Variants in WDFY1 observed in about 807,000 individuals in gnomAD.
WDFY1 encodes WD repeat and FYVE domain containing 1, also known as WD repeat and FYVE domain-containing protein 1.
A neutral mutation model predicts 56.4 loss-of-function variants in WDFY1; 32 were observed. The observed-to-expected ratio is 0.57, with a 90% CI of 0.43 to 0.76. WDFY1 has a LOEUF of 0.76. WDFY1 is among the 30% of genes least tolerant of loss of function. The pLI is 0.00. For synonymous variants in WDFY1, 192 were observed against 197.3 expected (o/e 0.97, Z 0.23); for missense variants, 480 against 545.7 (o/e 0.88, Z 1.20).
Position 223,877,541 on chromosome 2 carries a change from T to C in WDFY1, c.*1130A>G, listed in dbSNP as rs987225174. 6.6e-6 allele frequency: 1 copy of C among 152,200 alleles called. No individual in the cohort carries two copies. The highest frequency in any genetic ancestry group is 2.4e-5 in the African/African-American group (1 of 41,456). 9.4% of individuals were successfully genotyped at this position (152,200 alleles called of 1,614,324 possible). A position where few individuals can be genotyped will look rare whatever the true frequency, so the allele number is the denominator to read the frequency against. ...ACACAGTGCCCAAAAGCTTTAGAAA[T>C]GCCATTATGAACAATAGCTTTTGCT... is the stretch of plus-strand genomic sequence containing the variant. On this transcript the variant is annotated 3_prime_UTR_variant, in exon 12 of 12. Transcript: ENST00000233055.
At chr2:223,888,543 G>T (rs1482418716) in intron 8 of WDFY1, among the ~76,000 whole-genome samples, 1 of 150,662 alleles carries the variant, frequency 6.6e-6, no homozygotes, top group Non-Finnish European at 1.5e-5. Flanking sequence ...TTTCAAGCAA[G>T]GATTTTAAAA....
intron 3 of WDFY1, among the ~76,000 whole-genome samples, chr2:223,906,765 C>T (rs754213198): frequency 1.3e-4 from 20 of 151,850 alleles, no homozygotes; most frequent in Middle Eastern, 3.2e-3. Context: ...GGTGATCCAC[C>T]CACCTTAGCC....
intron 1 of WDFY1, among the ~76,000 whole-genome samples, chr2:223,926,427 AG>A (rs1325573639): frequency 4.6e-5 from 7 of 152,084 alleles, no homozygotes; most frequent in African/African-American, 1.7e-4. Flanking sequence ...CAGTATGCCC[AG>A]CAAAAGTGTA....
chr2:223,886,500 G>T (rs879392198), intron 8 of WDFY1, among the ~76,000 whole-genome samples: 4 of 152,052 alleles, frequency 2.6e-5, no homozygotes, highest in African/African-American at 9.7e-5. Flanking sequence ...CAAGGCAGGC[G>T]GATTACCTGA....
At chr2:223,901,740 G>A (rs538233905) in intron 4 of WDFY1, among the ~76,000 whole-genome samples, 7 of 151,846 alleles carry the variant, frequency 4.6e-5, no homozygotes, top group South Asian at 2.1e-4. Context: ...TGTTTTAATC[G>A]TCTGTAACTT....
chr2:223,894,150 A>T, intron 8 of WDFY1, 84 bp downstream of exon 8: 2 of 1,364,422 alleles, frequency 1.5e-6, no homozygotes, highest in Non-Finnish European at 2.1e-6. Context: ...ACCAGCATTT[A>T]CAGCTTGCGG....
At chr2:223,925,984 G>C (rs1374981177) in intron 1 of WDFY1, among the ~76,000 whole-genome samples, 1 of 152,090 alleles carries the variant, frequency 6.6e-6, no homozygotes, top group African/African-American at 2.4e-5. Flanking sequence ...ATGAGGGCTG[G>C]AATCAACTTC....
intron 1 of WDFY1, among the ~76,000 whole-genome samples, chr2:223,925,173 G>C (rs1290342912): frequency 6.7e-6 from 1 of 149,684 alleles, no homozygotes; most frequent in African/African-American, 2.5e-5. Context: ...AAGTCCTGGA[G>C]CCCCAATAAA....
intron 9 of WDFY1, among the ~76,000 whole-genome samples, chr2:223,882,845 A>G (rs1693098977): frequency 6.6e-6 from 1 of 151,890 alleles, no homozygotes; most frequent in African/African-American, 2.4e-5. Flanking sequence ...CTCCCACCTC[A>G]GCCTTCCAAG....
intron 9 of WDFY1, among the ~76,000 whole-genome samples, chr2:223,882,831 G>C (rs1325651859): frequency 6.6e-6 from 1 of 151,824 alleles, no homozygotes; most frequent in African/African-American, 2.4e-5. Context: ...AGACTCAAGC[G>C]ATCCTCCCAC....
At chr2:223,943,594 T>C (rs1689350489) in intron 1 of WDFY1, among the ~76,000 whole-genome samples, 1 of 152,228 alleles carries the variant, frequency 6.6e-6, no homozygotes, top group Non-Finnish European at 1.5e-5. Flanking sequence ...TTTGGACTTG[T>C]GGACTATCCC....
intron 9 of WDFY1, among the ~76,000 whole-genome samples, chr2:223,882,487 C>T (rs1425687528): frequency 6.6e-6 from 1 of 152,156 alleles, no homozygotes; most frequent in Non-Finnish European, 1.5e-5. Flanking sequence ...CCTTGAATTG[C>T]AATCACCCCA....
At chr2:223,941,247 G>A (rs898602498) in intron 1 of WDFY1, among the ~76,000 whole-genome samples, 3 of 150,736 alleles carry the variant, frequency 2.0e-5, no homozygotes, top group South Asian at 2.1e-4. Flanking sequence ...GTGAGCCACC[G>A]CACTTGGCCC....
At chr2:223,926,644 A>ATGTG (rs1491558984) in intron 1 of WDFY1, among the ~76,000 whole-genome samples, 1,323 of 119,338 alleles carry the variant, frequency 0.011, 42 homozygotes, top group Admixed American at 0.078. Flanking sequence ...ATATATACAA[A>ATGTG]TATGTGCGTG....
chr2:223,882,050 T>G lies in WDFY1; in HGVS notation c.956A>C (p.Gln319Pro), dbSNP rs1693082415. 6.2e-7 allele frequency: 1 copy of G among 1,613,830 alleles called. No individual in the cohort carries two copies. Among genetic ancestry groups the G allele is most frequent in the Non-Finnish European group, 8.5e-7 (1 of 1,179,792 alleles). ...GCTGCTGCACTTCCCGCAGACAGCC[T>G]GCCCGCATTTCCTGCAGTGATGCTT... The part of the protein sequence containing the change: ...LRQHHCRKCG[Q>P]AVCGKCSSKR... Residue 319 changes from glutamine to proline, a missense_variant, in exon 10 of 12, where the codon CAG (glutamine) becomes CCG (proline). Transcript: ENST00000233055.
At chr2:223,898,229 A>C (rs867921760) in intron 6 of WDFY1, among the ~76,000 whole-genome samples, 2 of 152,088 alleles carry the variant, frequency 1.3e-5, no homozygotes, top group Non-Finnish European at 2.9e-5. Context: ...TATGTTTCCC[A>C]AGCAGAGGCT....
chr2:223,899,578 CT>C (rs1343430163), intron 5 of WDFY1, among the ~76,000 whole-genome samples: 1 of 152,092 alleles, frequency 6.6e-6, no homozygotes, highest in Non-Finnish European at 1.5e-5. Flanking sequence ...AACCCCGTCT[CT>C]ACTAAAAACA....
At chr2:223,901,111 G>T in intron 5 of WDFY1, 72 bp downstream of exon 5, 1 of 1,501,206 alleles carries the variant, frequency 6.7e-7, no homozygotes. Flanking sequence ...CAGCCATTTG[G>T]GATGAGATTC....
rs73994418 is a variant in WDFY1 at position 223,905,921 on chromosome 2, C to T, written c.334+26G>A. The T allele has an allele frequency of 3.5e-3, 5,265 of 1,489,552 alleles. 87 individuals carry two copies. The African/African-American group carries it at 0.046, about 13-fold the overall frequency. The allele number at this position is 1,489,552 out of a possible 1,614,324, so 92.3% of individuals were successfully genotyped here. Reference sequence around the variant, plus strand: ...TTGTGTATGTCTACATGTATGTGTACGCAAGATAATGTGTATTATAATTAC... The same window carrying T: ...TTGTGTATGTCTACATGTATGTGTATGCAAGATAATGTGTATTATAATTAC... On this transcript the variant is annotated intron_variant, in intron 4 of 11. Coordinates refer to ENST00000233055, the MANE Select transcript of WDFY1 (RefSeq NM_020830.5).
Sources: gnomAD v4.1 joint callset for allele counts (sites outside exome capture counted in the v4.1 genomes callset) on GRCh38, gnomAD v4.1.1 for gene constraint, MANE v1.5 for transcripts, NCBI Gene and HGNC (gene_info 2026-07-23, HGNC 2026-07-21) for gene names.